LRP1: variants seen among roughly 807,000 people sequenced by gnomAD.
LRP1 encodes LDL receptor related protein 1, also known as prolow-density lipoprotein receptor-related protein 1.
In LRP1, 51 loss-of-function variants were observed where a neutral mutation model predicts 541.5. The ratio of observed to expected loss-of-function variants is 0.09; its 90% CI spans 0.08 to 0.12. The LOEUF is 0.12. LRP1 is among the 10% of genes least tolerant of loss of function. LRP1 has a pLI of 1.00. For synonymous variants in LRP1, 2,219 were observed against 2,470.8 expected, an observed-to-expected ratio of 0.90 and a Z score of 3.02; for missense variants, 3,878 against 6,376.2, an observed-to-expected ratio of 0.61 and a Z score of 13.34.
chr12:57,135,326 A>G (rs950578633), intron 1 of LRP1, among the ~76,000 whole-genome samples: 1 of 152,090 alleles, frequency 6.6e-6, no homozygotes, highest in Non-Finnish European at 1.5e-5. Context: ...GCAGGCCACA[A>G]AGGTGGGTTT....
intron 2 of LRP1, among the ~76,000 whole-genome samples, 172 bp downstream of exon 2, chr12:57,138,753 G>A (rs754359900): frequency 1.2e-4 from 18 of 152,290 alleles, no homozygotes; most frequent in Non-Finnish European, 2.1e-4. Flanking sequence ...AAAATGCTTG[G>A]CATGGTGCCT....
In LRP1 at chr12:57,171,072, A is replaced by C. The variant is rs2035935825; in HGVS notation, c.3163+1765A>C. Among the ~76,000 whole-genome samples, 3 of 152,152 alleles carry C rather than the reference A, an allele frequency of 2.0e-5. No homozygotes were observed. The South Asian group carries it at 6.2e-4, about 31-fold the overall frequency. Reference sequence around the variant, plus strand: ...CTCTGTGAAGGGGAGGGTGAGGGGCACAGGTGATATCCCTTAGGGTTCTGA... The same window carrying C: ...CTCTGTGAAGGGGAGGGTGAGGGGCCCAGGTGATATCCCTTAGGGTTCTGA... On this transcript the variant is annotated intron_variant, in intron 20 of 88. Coordinates refer to ENST00000243077, the MANE Select transcript of LRP1 (RefSeq NM_002332.3).
At chr12:57,148,308 A>T (rs1184895602) in intron 6 of LRP1, among the ~76,000 whole-genome samples, 2 of 152,222 alleles carry the variant, frequency 1.3e-5, no homozygotes, top group African/African-American at 4.8e-5. Context: ...ACTGGTAATA[A>T]ACAGTAGCGC....
chr12:57,176,176 C>A, intron 24 of LRP1, 70 bp downstream of exon 24: 2 of 1,495,340 alleles, frequency 1.3e-6, no homozygotes, highest in Non-Finnish European at 9.2e-7. Context: ...CCACAGGTCC[C>A]ATCCAAGTGG....
chr12:57,156,404 C>A lies in LRP1; in HGVS notation c.1417+121C>A. On this transcript the variant is annotated intron_variant, in intron 9 of 88. Transcript: ENST00000243077. This position sits in a 1 kb window ranked among gnomAD's most constrained non-coding sequence, Gnocchi z 5.2. ...GACCCTGGCTTCTTTCATGTCATGA[C>A]CGATTCTCCTAGCCAGCCACTCGGG... 1 of 1,054,160 alleles carries A rather than the reference C, an allele frequency of 9.5e-7. No individual in the cohort carries two copies. The highest frequency in any genetic ancestry group is 1.3e-6 in the Non-Finnish European group (1 of 746,856). The allele number at this position is 1,054,160 out of a possible 1,614,324, so 65.3% of individuals were successfully genotyped here. A position where few individuals can be genotyped will look rare whatever the true frequency, so the allele number is the denominator to read the frequency against.
At chr12:57,135,694 C>T (rs1236670705) in intron 1 of LRP1, among the ~76,000 whole-genome samples, 1 of 152,222 alleles carries the variant, frequency 6.6e-6, no homozygotes, top group African/African-American at 2.4e-5. Flanking sequence ...GGCCTGGGCC[C>T]TCCTCTTCCT....
At position 57,158,440 on chromosome 12, in the gene LRP1, C is replaced by T. The variant is rs2035664475; in HGVS notation, c.1600C>T (p.Arg534Trp). 9 of 1,613,556 alleles carry T rather than the reference C, an allele frequency of 5.6e-6. No individual in the cohort carries two copies. The highest frequency in any genetic ancestry group is 7.6e-6 in the Non-Finnish European group (9 of 1,179,484). The part of the protein sequence containing the change: ...HELFLVYGKG[R>W]PGIIRGMDMG... ...GCTGTTCCTCGTGTATGGCAAGGGC[C>T]GGCCAGGCATCATCCGGGGCATGGA... Residue 534 changes from arginine (R) to tryptophan (W), a missense_variant, in exon 11 of 89, where the codon CGG becomes TGG. Around this residue, in one of 13 missense-constraint regions of LRP1, gnomAD observed 496 missense variants for 861.0 expected, o/e 0.58. Transcript: ENST00000243077. The surrounding 1 kb of genome is among the most constrained non-coding windows in gnomAD (Gnocchi z 5.3).
rs1235850883 is a variant in LRP1, at chr12:57,165,122, A to G, written c.2531-683A>G. On this transcript the variant is annotated intron_variant, in intron 15 of 88. Transcript: ENST00000243077. The surrounding 1 kb of genome is among the most constrained non-coding windows in gnomAD (Gnocchi z 4.5). ...CCTCCAGGTCCATGGTCCATGGGAT[A>G]CGGGAGGGGAAATCGCCACCCATGG... 1 of 152,542 alleles carries G rather than the reference A, an allele frequency of 6.6e-6. No homozygotes were observed. The highest frequency in any genetic ancestry group is 2.4e-5 in the African/African-American group (1 of 41,414). The allele number at this position is 152,542 out of a possible 1,614,324, so 9.4% of individuals were successfully genotyped here. A position where few individuals can be genotyped will look rare whatever the true frequency, so the allele number is the denominator to read the frequency against.
chr12:57,161,211 G>A (rs2035727189), intron 13 of LRP1, 96 bp downstream of exon 13: 6 of 1,173,504 alleles, frequency 5.1e-6, no homozygotes, highest in South Asian at 2.7e-5. Context: ...GGGTATCTGT[G>A]TGTGTCCAGG....
intron 15 of LRP1, among the ~76,000 whole-genome samples, chr12:57,163,683 G>C (rs2136684679): frequency 6.6e-6 from 1 of 152,236 alleles, no homozygotes; most frequent in South Asian, 2.1e-4. Flanking sequence ...TATATTGTTA[G>C]CATTGTGGTA....
intron 20 of LRP1, among the ~76,000 whole-genome samples, chr12:57,170,787 G>C (rs2035930122): frequency 6.6e-6 from 1 of 152,144 alleles, no homozygotes; most frequent in South Asian, 2.1e-4. Context: ...CTGCACTCCA[G>C]CCTGGGTGAC....
Position 57,178,785 on chromosome 12 carries a change from C to G in LRP1, c.4607-105C>G, listed in dbSNP as rs1043501668. The G allele has an allele frequency of 6.6e-7, 1 of 1,519,268 alleles. No homozygotes were observed. Among genetic ancestry groups the G allele is most frequent in the African/African-American group, 1.4e-5 (1 of 72,614 alleles). 94.1% of individuals were successfully genotyped at this position (1,519,268 alleles called of 1,614,324 possible). The stretch of plus-strand genomic sequence containing the variant: ...GCAGAGAAGGGTCTAGTAGTAGCGG[C>G]TGCTGGAACAGGGGGAGGAGAGTGG... On this transcript the variant is annotated intron_variant, in intron 27 of 88. Coordinates refer to ENST00000243077, the MANE Select transcript of LRP1 (RefSeq NM_002332.3). This position sits in a 1 kb window ranked among gnomAD's most constrained non-coding sequence, Gnocchi z 5.8.
chr12:57,161,213 G>A, intron 13 of LRP1, 98 bp downstream of exon 13: 1 of 1,167,078 alleles, frequency 8.6e-7, no homozygotes, highest in Non-Finnish European at 1.2e-6. Flanking sequence ...GTATCTGTGT[G>A]TGTCCAGGCC....
Position 57,168,480 on chromosome 12 carries a change from GGAGA to G in LRP1, c.2996-656_2996-653del, listed in dbSNP as rs574102399. 1.2e-3 allele frequency among the ~76,000 whole-genome samples: 184 copies of G among 152,314 alleles called. 3 individuals are homozygous for G. Among genetic ancestry groups the G allele is most frequent in the African/African-American group, 4.2e-3 (174 of 41,558 alleles). ...ACAAAAAGCCCAAGATGCAAGGGGA[GGAGA>G]GAGTTAGAGAAGCAAATCCAGTTGG... On this transcript the variant is annotated intron_variant, in intron 19 of 88. Coordinates refer to ENST00000243077, the MANE Select transcript of LRP1 (RefSeq NM_002332.3).
In LRP1 at chr12:57,159,829, C is replaced by A; in HGVS notation, c.1803C>A (p.Ile601=). ...TERETILKDG[I]HNVEGVAVDW... is the part of the protein sequence containing the mutation. ...TGGTCCCTCTTCCCCCAACAGGCAT[C>A]CACAATGTGGAGGGTGTGGCCGTGG... Residue 601 remains isoleucine (I), a synonymous_variant, in exon 12 of 89, where the codon ATC becomes ATA. Transcript: ENST00000243077. The A allele has an allele frequency of 6.2e-7, 1 of 1,614,034 alleles. No individual in the cohort carries two copies. The highest frequency in any genetic ancestry group is 1.1e-5 in the South Asian group (1 of 91,076).
chr12:57,189,205 G>C lies in LRP1; in HGVS notation c.7032-1600G>C, dbSNP rs972341104. ...GGGAAGCAGGTTCACCCAGACCACA[G>C]TTGTGTCACATGGAGGAGTTTGTTG... is the stretch of plus-strand genomic sequence containing the variant. On this transcript the variant is annotated intron_variant, in intron 42 of 88. Transcript: ENST00000243077. This position sits in a 1 kb window ranked among gnomAD's most constrained non-coding sequence, Gnocchi z 4.4. Among the ~76,000 whole-genome samples, 5 of 152,186 alleles carry C rather than the reference G, an allele frequency of 3.3e-5. No homozygotes were observed. Among genetic ancestry groups the C allele is most frequent in the African/African-American group, 1.2e-4 (5 of 41,448 alleles).
chr12:57,150,925 G>A (rs1235273883), intron 6 of LRP1, among the ~76,000 whole-genome samples: 1 of 151,912 alleles, frequency 6.6e-6, no homozygotes, highest in African/African-American at 2.4e-5. Context: ...AGGTGGGGAG[G>A]TTCCTGGAAC....
At position 57,208,213 on chromosome 12, in the gene LRP1, G is replaced by C; in HGVS notation, c.12035G>C (p.Arg4012Thr). 1 of 1,613,240 alleles carries C rather than the reference G, an allele frequency of 6.2e-7. No individual in the cohort carries two copies. Reference sequence around the variant, plus strand: ...CACGCCATTGTGGTGGACCCACTGAGGGGGTGGGCAAGGGCCCTGGGGGGA... The same window carrying C: ...CACGCCATTGTGGTGGACCCACTGACGGGGTGGGCAAGGGCCCTGGGGGGA... ...EPHAIVVDPLRGTMYWSDWGN... is the reference protein window; with the variant it reads ...EPHAIVVDPLTGTMYWSDWGN... Residue 4012 changes from arginine to threonine, a missense_variant, in exon 77 of 89, where the codon AGG (arginine) becomes ACG (threonine). Around this residue, in one of 13 missense-constraint regions of LRP1, gnomAD observed 871 missense variants for 1,212.4 expected, o/e 0.72. Transcript: ENST00000243077.
rs369338320 is a variant in LRP1 at position 57,211,731 on chromosome 12, G to A, written c.13194-19G>A. The A allele has an allele frequency of 9.9e-6, 16 of 1,612,844 alleles. 1 individual carries two copies. Among genetic ancestry groups the A allele is most frequent in the Middle Eastern group, 3.3e-4 (2 of 6,034 alleles). On this transcript the variant is annotated intron_variant, in intron 85 of 88. Coordinates refer to ENST00000243077, the MANE Select transcript of LRP1 (RefSeq NM_002332.3). This position sits in a 1 kb window ranked among gnomAD's most constrained non-coding sequence, Gnocchi z 4.3. ...CTATGGAGGTTATACCTACTCAGCC[G>A]TGTCCCTCCTTTCTGCAGGTGCCCA...
Sources: gnomAD v4.1 joint callset for allele counts (sites outside exome capture counted in the v4.1 genomes callset) on GRCh38, gnomAD v4.1.1 for gene constraint, gnomAD v4.1.1 regional missense constraint, Gnocchi (gnomAD v3.1) non-coding constraint, MANE v1.5 for transcripts, NCBI Gene and HGNC (gene_info 2026-07-23, HGNC 2026-07-21) for gene names.